The following ATP13A4 variants were observed in gnomAD, a reference collection of about 807,000 sequenced individuals.
The protein encoded by ATP13A4 is ATPase 13A4.
In ATP13A4, 114 loss-of-function variants were observed where a neutral mutation model predicts 142.5. That is an observed-to-expected ratio of 0.80 (90% CI 0.69 to 0.93). The LOEUF (loss-of-function observed/expected upper bound fraction) is 0.93. ATP13A4 is among the 40% of genes least tolerant of loss of function. The pLI is 0.00. For synonymous variants in ATP13A4, 488 were observed against 514.8 expected (o/e 0.95, Z 0.70); for missense variants, 1,392 against 1,454.0 (o/e 0.96, Z 0.69).
intron 25 of ATP13A4, among the ~76,000 whole-genome samples, chr3:193,432,401 T>A (rs941296092): frequency 2.6e-5 from 4 of 152,096 alleles, no homozygotes; most frequent in African/African-American, 7.2e-5. Context: ...CTTTACCCAG[T>A]GAAAATGAAA....
At position 193,408,727 on chromosome 3, in the gene ATP13A4, T is replaced by G. The variant is rs1446161807; in HGVS notation, c.3298-1334A>C. Among the ~76,000 whole-genome samples the G allele has an allele frequency of 2.0e-5, 3 of 152,230 alleles. No homozygotes were observed. The East Asian group carries it at 5.8e-4, about 29-fold the overall frequency. ...ACGTAGAAACTCCTGATGGGCAACT[T>G]TGGCCTGACTTTCTTAGAAGTGTAC... On this transcript the variant is annotated intron_variant, in intron 28 of 29. Transcript: ENST00000342695.
chr3:193,408,986 GGAA>G (rs1258177285), intron 28 of ATP13A4, among the ~76,000 whole-genome samples: 3 of 152,124 alleles, frequency 2.0e-5, no homozygotes, highest in Admixed American at 2.0e-4. Flanking sequence ...GTAAAAATGT[GGAA>G]GAAGAATATA....
At chr3:193,412,017 C>T (rs769850376) in intron 27 of ATP13A4, among the ~76,000 whole-genome samples, 161 bp downstream of exon 27, 7 of 152,050 alleles carry the variant, frequency 4.6e-5, no homozygotes, top group African/African-American at 1.4e-4. Flanking sequence ...AGCAAAGAAC[C>T]GTGAAAATGA....
intron 25 of ATP13A4, among the ~76,000 whole-genome samples, chr3:193,417,276 T>C (rs1171008133): frequency 6.6e-6 from 1 of 152,170 alleles, no homozygotes; most frequent in Non-Finnish European, 1.5e-5. Context: ...AACACTTACG[T>C]AGAAATAATG....
At chr3:193,536,445 T>C (rs1380109462) in intron 1 of ATP13A4, among the ~76,000 whole-genome samples, 1 of 152,054 alleles carries the variant, frequency 6.6e-6, no homozygotes, top group Admixed American at 6.6e-5. Flanking sequence ...GATAAATTCA[T>C]ACCCATTCAT....
intron 12 of ATP13A4, 64 bp from the exon 13 acceptor site, chr3:193,462,887 G>A: frequency 1.3e-6 from 2 of 1,527,548 alleles, no homozygotes; most frequent in African/African-American, 1.4e-5. Context: ...GCTCATGCCT[G>A]TAATCCCAGC....
chr3:193,432,127 G>C (rs1426415657), intron 25 of ATP13A4, among the ~76,000 whole-genome samples: 1 of 24,514 alleles, frequency 4.1e-5, no homozygotes, highest in African/African-American at 7.2e-5. Flanking sequence ...CAAGAGAAAG[G>C]TTGATAATAA....
At chr3:193,471,216 A>G (rs190913718) in intron 8 of ATP13A4, among the ~76,000 whole-genome samples, 122 of 152,344 alleles carry the variant, frequency 8.0e-4, no homozygotes, top group African/African-American at 2.7e-3. Flanking sequence ...GTAATAAGAA[A>G]AAAATAATGA....
At chr3:193,403,596 T>C (rs1714354429) in intron 29 of ATP13A4, 1 of 321,608 alleles carries the variant, frequency 3.1e-6, no homozygotes, top group East Asian at 1.7e-4. Flanking sequence ...CCTCTAACCT[T>C]CACCTTCACT....
rs375357807 is a variant in ATP13A4, at chr3:193,510,184, C to A, written c.234+4514G>T. The stretch of plus-strand genomic sequence containing the variant: ...GCGACCCAGTGAACACAGATGCTGC[C>A]GCCTGACGAGAATACTGGTACACTG... On this transcript the variant is annotated intron_variant, in intron 2 of 29. Coordinates refer to ENST00000342695, the MANE Select transcript of ATP13A4 (RefSeq NM_032279.4). Among the ~76,000 whole-genome samples, 21 of 152,148 alleles carry A rather than the reference C, an allele frequency of 1.4e-4. 1 individual carries two copies. Among genetic ancestry groups the A allele is most frequent in the Admixed American group, 7.9e-4 (12 of 15,274 alleles).
At position 193,580,541 on chromosome 3, in the gene ATP13A4, G is replaced by A. The variant is rs75697080; in HGVS notation, n.291+1166C>T. On this transcript the variant is annotated intron_variant and non_coding_transcript_variant, in intron 2 of 3. Coordinates refer to the ATP13A4 transcript ENST00000489140. ...GGAGGGTGCTAGCAAGCTAGTATAC[G>A]TACTACTAAGAAGAATCACCATGCA... Among the ~76,000 whole-genome samples the A allele has an allele frequency of 3.0e-3, 451 of 152,228 alleles. 3 individuals carry two copies. Among genetic ancestry groups the A allele is most frequent in the South Asian group, 0.017 (80 of 4,814 alleles).
intron 2 of ATP13A4, among the ~76,000 whole-genome samples, chr3:193,573,672 C>T (rs1385158146): frequency 6.6e-6 from 1 of 152,160 alleles, no homozygotes; most frequent in Non-Finnish European, 1.5e-5. Flanking sequence ...CTGAGATTTA[C>T]AGCAGCACCC....
chr3:193,529,112 A>T (rs1024776953), intron 1 of ATP13A4, among the ~76,000 whole-genome samples: 5 of 152,186 alleles, frequency 3.3e-5, no homozygotes, highest in Non-Finnish European at 7.3e-5. Flanking sequence ...TCTACTAAAA[A>T]TACGAAAATT....
chr3:193,493,117 T>C lies in ATP13A4; in HGVS notation c.425A>G (p.Tyr142Cys). 1 of 1,613,358 alleles carries C rather than the reference T, an allele frequency of 6.2e-7. No individual in the cohort carries two copies. Among genetic ancestry groups the C allele is most frequent in the Non-Finnish European group, 8.5e-7 (1 of 1,179,642 alleles). The change falls in exon 4 of 30, where the codon TAC becomes TGC. Residue 142 changes from tyrosine (Y) to cysteine (C), a missense_variant. Transcript: ENST00000342695. ...KVQKIRYVWN[Y>C]LEGQFQKIGS... is the part of the protein sequence containing the mutation. ...AATTTTCTGGAACTGTCCTTCTAAG[T>C]AGTTCCAAACATATCTTATTTTCTG... is the stretch of plus-strand genomic sequence containing the variant.
intron 18 of ATP13A4, among the ~76,000 whole-genome samples, chr3:193,446,892 C>T (rs1438472371): frequency 6.6e-6 from 1 of 152,044 alleles, no homozygotes; most frequent in African/African-American, 2.4e-5. Context: ...GGAATAGCCC[C>T]TACATACAGA....
At position 193,468,187 on chromosome 3, in the gene ATP13A4, A is replaced by C. The variant is rs796781610; in HGVS notation, c.944-701T>G. On this transcript the variant is annotated intron_variant, in intron 9 of 29. Coordinates refer to ENST00000342695, the MANE Select transcript of ATP13A4 (RefSeq NM_032279.4). ...AGAGTGAAACTCCATCTCAAAAATA[A>C]ATAAATAAATAATAAATAAATAAAG... Among the ~76,000 whole-genome samples, 41 of 152,210 alleles carry C rather than the reference A, an allele frequency of 2.7e-4. 1 individual carries two copies. The highest frequency in any genetic ancestry group is 9.9e-4 in the African/African-American group (41 of 41,544).
intron 16 of ATP13A4, among the ~76,000 whole-genome samples, chr3:193,455,963 CT>C (rs1183155241): frequency 6.6e-6 from 1 of 152,026 alleles, no homozygotes; most frequent in Non-Finnish European, 1.5e-5. Context: ...TATGTGGGAG[CT>C]AAATAATGAG....
chr3:193,474,048 G>A (rs767275425), intron 8 of ATP13A4, among the ~76,000 whole-genome samples: 17 of 151,996 alleles, frequency 1.1e-4, no homozygotes, highest in Non-Finnish European at 1.5e-4. Flanking sequence ...GGCCAGGCGC[G>A]GTGGCTCACA....
chr3:193,531,831 T>TTCTCTTGGGGGAAACCAATA (rs1400876024), intron 1 of ATP13A4, among the ~76,000 whole-genome samples: 1 of 152,128 alleles, frequency 6.6e-6, no homozygotes, highest in African/African-American at 2.4e-5. Context: ...ACCTCCTTAT[T>TTCTCTTGGGGGAAACCAATA]GGTAAGTGAA....
Sources: allele counts gnomAD v4.1 joint callset (sites outside exome capture counted in the v4.1 genomes callset), GRCh38; gene constraint gnomAD v4.1.1; transcripts MANE v1.5; gene names NCBI Gene and HGNC (gene_info 2026-07-23, HGNC 2026-07-21).